The following KDM5C variants were observed in gnomAD, a reference collection of about 807,000 sequenced individuals.
KDM5C encodes lysine demethylase 5C.
In KDM5C, 16 loss-of-function variants were observed where a neutral mutation model predicts 110.6. The observed-to-expected ratio is 0.14, with a 90% CI of 0.10 to 0.22. KDM5C has a LOEUF of 0.22. Ranked by LOEUF, KDM5C falls within the 10% of genes least tolerant of loss-of-function variation. The pLI, the probability that KDM5C is intolerant of heterozygous loss-of-function variation, is 1.00. For missense variants in KDM5C, 681 were observed against 1,300.9 expected, an observed-to-expected ratio of 0.52 and a Z score of 7.33; for synonymous variants, 511 against 520.4, an observed-to-expected ratio of 0.98 and a Z score of 0.24.
intron 12 of KDM5C, among the ~76,000 whole-genome samples, chrX:53,204,990 T>C (rs1177634398): frequency 1.8e-5 from 2 of 112,151 alleles, no homozygotes; most frequent in Non-Finnish European, 3.8e-5. Flanking sequence ...TTCAAGAATT[T>C]TATCATTGTC....
chrX:53,206,387 G>A (rs1169224396), intron 12 of KDM5C, among the ~76,000 whole-genome samples: 2 of 111,690 alleles, frequency 1.8e-5, no homozygotes, highest in African/African-American at 6.5e-5. Context: ...CTGGATTGTA[G>A]AGATGGTAGC....
At chrX:53,210,311 AG>A (rs1357802337) in intron 12 of KDM5C, 102 bp downstream of exon 12, 8 of 1,046,962 alleles carry the variant, frequency 7.6e-6, no homozygotes, top group African/African-American at 7.4e-5. Context: ...CAATGAAGAA[AG>A]GCCAGGGGCA....
chrX:53,206,602 G>A (rs782137315), intron 12 of KDM5C, among the ~76,000 whole-genome samples: 2 of 110,897 alleles, frequency 1.8e-5, no homozygotes, highest in East Asian at 5.6e-4. Context: ...GGTGTCTCAC[G>A]CTTATAATCT....
chrX:53,218,582 G>A (rs2073812906), intron 2 of KDM5C, 184 bp from the exon 3 acceptor site: 2 of 547,732 alleles, frequency 3.7e-6, no homozygotes, highest in Non-Finnish European at 6.2e-6. Flanking sequence ...CATTTCTTTC[G>A]TTTTTGTTTT....
chrX:53,198,678 A>C, intron 16 of KDM5C, 41 bp from the exon 17 acceptor site: 4 of 1,211,567 alleles, frequency 3.3e-6, no homozygotes, highest in Non-Finnish European at 4.5e-6. Context: ...GGCAGTATTG[A>C]ATAGAGGCAG....
chrX:53,224,667 CCA>C (rs2073991162), intron 1 of KDM5C, 71 bp downstream of exon 1: 2 of 1,165,068 alleles, frequency 1.7e-6, no homozygotes, highest in East Asian at 6.0e-5. Context: ...GCCCTCCGCC[CCA>C]GACTTCGCCG....
chrX:53,195,943 G>C lies in KDM5C; in HGVS notation c.3093C>G (p.Ala1031=), dbSNP rs1556836358. The C allele has an allele frequency of 6.6e-6, 8 of 1,207,521 alleles. No homozygotes were observed. The highest frequency in any genetic ancestry group is 1.7e-5 in the African/African-American group (1 of 57,468). ...ALKEALAKAR[A]WIADVDEIQN... Reference sequence around the variant, plus strand: ...GGATCTCATCAACATCAGCAATCCAGGCCCGGGCCTTAGCAAGAGCCTCCT... The same window carrying C: ...GGATCTCATCAACATCAGCAATCCACGCCCGGGCCTTAGCAAGAGCCTCCT... The change falls in exon 20 of 26, where the codon GCC becomes GCG. Residue 1031 remains alanine, a synonymous_variant. Coordinates refer to ENST00000375401, the MANE Select transcript of KDM5C (RefSeq NM_004187.5).
Position 53,195,529 on chromosome X carries a change from A to T in KDM5C, c.3121-119T>A, listed in dbSNP as rs933759057. ...CTCAGTCTTGAGGGATTAAAAAAAT[A>T]GGTGTCATCCTAAGGAACAACCACT... On this transcript the variant is annotated intron_variant, in intron 20 of 25. Coordinates refer to ENST00000375401, the MANE Select transcript of KDM5C (RefSeq NM_004187.5). 8 of 713,907 alleles carry T rather than the reference A, an allele frequency of 1.1e-5. No homozygotes were observed. In the African/African-American group the frequency reaches 1.5e-4, roughly 13 times the overall value. 58.8% of individuals were successfully genotyped at this position (713,907 alleles called of 1,213,427 possible). A position where few individuals can be genotyped will look rare whatever the true frequency, so the allele number is the denominator to read the frequency against.
intron 7 of KDM5C, 99 bp downstream of exon 7, chrX:53,215,696 G>A (rs1450454734): frequency 3.2e-6 from 3 of 950,400 alleles, no homozygotes; most frequent in East Asian, 6.2e-5. Flanking sequence ...ATGGAGGCCC[G>A]CTTTTGTGGT....
At position 53,196,787 on chromosome X, in the gene KDM5C, T is replaced by C. The variant is rs1412204690; in HGVS notation, c.2880A>G (p.Val960=). The C allele has an allele frequency of 8.3e-7, 1 of 1,211,401 alleles. No homozygotes were observed. The highest frequency in any genetic ancestry group is 1.1e-6 in the Non-Finnish European group (1 of 895,390). ...CTTTATCCACAGCAGGGCTAGGGGCTACACTGGCACCCGCGACCAACAGTC... is the reference window on the plus strand; with the variant it reads ...CTTTATCCACAGCAGGGCTAGGGGCCACACTGGCACCCGCGACCAACAGTC... The part of the protein sequence containing the change: ...MRGLLVAGAS[V]APSPAVDKAQ... The change falls in exon 19 of 26, where the codon GTA becomes GTG. Residue 960 remains valine (V), a synonymous_variant. Transcript: ENST00000375401.
chrX:53,203,347 G>A (rs1556843395), intron 12 of KDM5C, among the ~76,000 whole-genome samples: 2 of 111,578 alleles, frequency 1.8e-5, no homozygotes, highest in East Asian at 5.6e-4. Context: ...CTCATGTACT[G>A]GGTAGGCCCA....
chrX:53,193,307 C>T lies in KDM5C; in HGVS notation c.4343G>A (p.Ser1448Asn), dbSNP rs1602158239. Residue 1448 changes from serine (S) to asparagine (N), a missense_variant, in exon 26 of 26, where the codon AGT becomes AAT. Transcript: ENST00000375401. ...CTCCAGGGCCCGGCCCCGAGCCCGA[C>T]TCCCGTGACGCTCTGCCTTCTCCAG... ...LELEKAERHG[S>N]RARGRALERR... 1.7e-6 allele frequency: 2 copies of T among 1,210,909 alleles called. No homozygotes were observed. The highest frequency in any genetic ancestry group is 2.3e-4 in the Middle Eastern group (1 of 4,355).
At position 53,197,814 on chromosome X, in the gene KDM5C, A is replaced by G; in HGVS notation, c.2579T>C (p.Met860Thr). 1 of 1,205,977 alleles carries G rather than the reference A, an allele frequency of 8.3e-7. No individual in the cohort carries two copies. Among genetic ancestry groups the G allele is most frequent in the Non-Finnish European group, 1.1e-6 (1 of 892,628 alleles). Residue 860 changes from methionine to threonine, a missense_variant, in exon 18 of 26, where the codon ATG (methionine) becomes ACG (threonine). Met to Thr is a moderately conservative substitution (Grantham distance 81, BLOSUM62 -1). This residue lies in a region of KDM5C where 123 missense variants were observed against 169.0 expected (regional missense o/e 0.73). Transcript: ENST00000375401. ...GTGCATGGCGCAAGGCAGGTTGTTC[A>G]TCTGGTCCAGAAAGGCCCGGAGCTC... is the stretch of plus-strand genomic sequence containing the variant. The part of the protein sequence containing the change: ...LTELRAFLDQ[M>T]NNLPCAMHQI...
intron 17 of KDM5C, 38 bp from the exon 18 acceptor site, chrX:53,197,914 C>CA: frequency 1.0e-6 from 1 of 978,827 alleles, no homozygotes; most frequent in Non-Finnish European, 1.4e-6. Context: ...GGTCCAAACT[C>CA]AGTGCCTTCC....
Position 53,208,067 on chromosome X carries a change from T to C in KDM5C, c.1746+2347A>G, listed in dbSNP as rs1458552399. On this transcript the variant is annotated intron_variant, in intron 12 of 25. Coordinates refer to ENST00000375401, the MANE Select transcript of KDM5C (RefSeq NM_004187.5). Reference sequence around the variant, plus strand: ...CCCACCAAAGGGGAAGGTGGGGTGATGGGGGCAGGGAGCTAGATACCTCTG... The same window carrying C: ...CCCACCAAAGGGGAAGGTGGGGTGACGGGGGCAGGGAGCTAGATACCTCTG... Among the ~76,000 whole-genome samples the C allele has an allele frequency of 1.5e-4, 5 of 33,000 alleles. No homozygotes were observed. The East Asian group carries it at 4.1e-3, about 27-fold the overall frequency. The allele number at this position is 33,000 out of a possible 115,157, so 28.7% of individuals were successfully genotyped here. A position where few individuals can be genotyped will look rare whatever the true frequency, so the allele number is the denominator to read the frequency against.
chrX:53,218,220 G>A (rs1227386137), intron 3 of KDM5C, 56 bp downstream of exon 3: 3 of 1,201,227 alleles, frequency 2.5e-6, no homozygotes, highest in African/African-American at 3.5e-5. Flanking sequence ...GGCCCCCAGA[G>A]TATCAAGGAT....
At position 53,192,859 on chromosome X, in the gene KDM5C, C is replaced by T; in HGVS notation, c.*108G>A. ...AGGGGTGGGCGGGTAGCAGGGATGG[C>T]CACCCCCCTACCCGCCCACCCCCCA... On this transcript the variant is annotated 3_prime_UTR_variant, in exon 26 of 26. Coordinates refer to ENST00000375401, the MANE Select transcript of KDM5C (RefSeq NM_004187.5). 1 of 691,028 alleles carries T rather than the reference C, an allele frequency of 1.4e-6. No individual in the cohort carries two copies. The highest frequency in any genetic ancestry group is 1.9e-6 in the Non-Finnish European group (1 of 519,820). 56.9% of individuals were successfully genotyped at this position (691,028 alleles called of 1,213,427 possible).
chrX:53,182,565 C>T (rs1569250043), intron 25 of KDM5C, among the ~76,000 whole-genome samples: 1 of 111,909 alleles, frequency 8.9e-6, no homozygotes, highest in Admixed American at 9.5e-5. Context: ...ATGGGTTTCA[C>T]CATGTTGGCC....
Position 53,193,423 on chromosome X carries a change from A to G in KDM5C, c.4317+14T>C. 8.3e-7 allele frequency: 1 copy of G among 1,210,702 alleles called. No homozygotes were observed. Among genetic ancestry groups the G allele is most frequent in the Non-Finnish European group, 1.1e-6 (1 of 895,111 alleles). The stretch of plus-strand genomic sequence containing the variant: ...GCCTGACCTCCTGGCCCGGCCCATG[A>G]CCCCTCTCCTCACCTCCAGAAGTGT... On this transcript the variant is annotated intron_variant, in intron 25 of 25. Transcript: ENST00000375401.
Sources: gnomAD v4.1 joint callset for allele counts (sites outside exome capture counted in the v4.1 genomes callset) on GRCh38, gnomAD v4.1.1 for gene constraint, gnomAD v4.1.1 regional missense constraint, MANE v1.5 for transcripts, NCBI Gene and HGNC (gene_info 2026-07-23, HGNC 2026-07-21) for gene names.